Variants in PPP1R37 observed in about 807,000 individuals in gnomAD.
PPP1R37 encodes leucine rich repeat containing 68.
Under a neutral mutation model 61.0 loss-of-function variants are expected in PPP1R37, and 21 were observed. The observed-to-expected ratio is 0.34, with a 90% CI of 0.24 to 0.50. The LOEUF (loss-of-function observed/expected upper bound fraction) is 0.50. PPP1R37 is among the 20% of genes least tolerant of loss of function. The probability of loss-of-function intolerance (pLI) is 0.98; values close to 1 mark genes in which losing one functional copy is unlikely to be tolerated. For synonymous variants in PPP1R37, 443 were observed against 433.5 expected, an observed-to-expected ratio of 1.02 and a Z score of -0.27; for missense variants, 910 against 952.7, an observed-to-expected ratio of 0.96 and a Z score of 0.59.
At chr19:45,131,209 A>G (rs984235996) in intron 1 of PPP1R37, among the ~76,000 whole-genome samples, 2 of 152,240 alleles carry the variant, frequency 1.3e-5, no homozygotes, top group East Asian at 3.9e-4. Context: ...TTTGCCCTTC[A>G]TCCTCTCCCT....
At chr19:45,094,626 C>G (rs567004412) in intron 1 of PPP1R37, among the ~76,000 whole-genome samples, 6 of 152,064 alleles carry the variant, frequency 3.9e-5, no homozygotes, top group African/African-American at 1.4e-4. Context: ...ACTCAAGAGG[C>G]TGAGGCAGGG....
chr19:45,102,840 C>A (rs1189241891), intron 1 of PPP1R37, among the ~76,000 whole-genome samples: 2 of 152,320 alleles, frequency 1.3e-5, no homozygotes, highest in Admixed American at 1.3e-4. Context: ...TGATGCCGCT[C>A]CTGTTACATA....
At chr19:45,140,833 C>T (rs1968601740) in intron 4 of PPP1R37, among the ~76,000 whole-genome samples, 1 of 152,144 alleles carries the variant, frequency 6.6e-6, no homozygotes, top group African/African-American at 2.4e-5. Context: ...GCAAGGAGAG[C>T]CTTAGGGAGC....
rs1233015656 is a variant in PPP1R37, at chr19:45,130,485, T to G, written c.203-8029T>G. Among the ~76,000 whole-genome samples, 3 of 152,050 alleles carry G rather than the reference T, an allele frequency of 2.0e-5. No homozygotes were observed. The highest frequency in any genetic ancestry group is 2.9e-5 in the Non-Finnish European group (2 of 67,990). ...TCACACTTAAGCCTGCCCCAGTGGT[T>G]GCTGCCTGCCACGGGGTTTGCACAG... On this transcript the variant is annotated intron_variant, in intron 1 of 12. Coordinates refer to ENST00000221462, the MANE Select transcript of PPP1R37 (RefSeq NM_019121.2). The surrounding 1 kb of genome is among the most constrained non-coding windows in gnomAD (Gnocchi z 4.4).
intron 1 of PPP1R37, among the ~76,000 whole-genome samples, chr19:45,114,712 C>T (rs1260725094): frequency 2.0e-5 from 3 of 151,844 alleles, no homozygotes; most frequent in Non-Finnish European, 2.9e-5. Context: ...TTTGGGAGGC[C>T]GAGGCAGGAG....
chr19:45,105,548 A>AGAAT (rs1968119335), intron 1 of PPP1R37, among the ~76,000 whole-genome samples: 1 of 152,142 alleles, frequency 6.6e-6, no homozygotes, highest in African/African-American at 2.4e-5. Context: ...CCTTTGTGGC[A>AGAAT]GGTGACCTAA....
chr19:45,141,692 T>TA (rs1280472198), intron 5 of PPP1R37, among the ~76,000 whole-genome samples: 1 of 152,182 alleles, frequency 6.6e-6, no homozygotes, highest in Non-Finnish European at 1.5e-5. Context: ...ATGTCATCCT[T>TA]CTGTAATGTC....
intron 1 of PPP1R37, among the ~76,000 whole-genome samples, chr19:45,107,960 G>A (rs1001139394): frequency 3.9e-5 from 6 of 152,160 alleles, no homozygotes; most frequent in African/African-American, 1.4e-4. Context: ...GTTTTCAGTT[G>A]CATAGATAAT....
At chr19:45,139,804 G>A (rs1361604582) in intron 2 of PPP1R37, among the ~76,000 whole-genome samples, 9 of 152,234 alleles carry the variant, frequency 5.9e-5, no homozygotes, top group East Asian at 5.8e-4. Context: ...TCTGCGGGAC[G>A]GTGGGTTCTG....
intron 1 of PPP1R37, among the ~76,000 whole-genome samples, chr19:45,110,495 C>T (rs1379459657): frequency 6.6e-6 from 1 of 152,106 alleles, no homozygotes; most frequent in Non-Finnish European, 1.5e-5. Flanking sequence ...ACTATTCCTC[C>T]AAATCTGAAT....
chr19:45,145,952 A>G lies in PPP1R37; in HGVS notation c.1896A>G (p.Pro632=), dbSNP rs1332223636. 3 of 1,534,040 alleles carry G rather than the reference A, an allele frequency of 2.0e-6. No homozygotes were observed. Among genetic ancestry groups the G allele is most frequent in the South Asian group, 1.2e-5 (1 of 83,986 alleles). ...PPPEPPRSGP[P]LPNGLKPEFA... is the part of the protein sequence containing the mutation. ...CGGAGCCGCCTCGGTCAGGGCCACC[A>G]CTGCCCAACGGCCTGAAGCCCGAGT... The change falls in exon 11 of 13, where the codon CCA becomes CCG. Residue 632 remains proline (P), a synonymous_variant. Transcript: ENST00000221462.
rs1968704140 is a variant in PPP1R37 at position 45,146,553 on chromosome 19, C to A, written c.*9-18C>A. 2.7e-6 allele frequency: 3 copies of A among 1,095,642 alleles called. No homozygotes were observed. Among genetic ancestry groups the A allele is most frequent in the Non-Finnish European group, 4.0e-6 (3 of 754,584 alleles). The allele number at this position is 1,095,642 out of a possible 1,614,324, so 67.9% of individuals were successfully genotyped here. On this transcript the variant is annotated intron_variant, in intron 12 of 12. Coordinates refer to ENST00000221462, the MANE Select transcript of PPP1R37 (RefSeq NM_019121.2). ...CCTCTGGCTCTGACAGTCTCTCCCC[C>A]AATCTCTCCTCCCCAAGTTCCCTTT...
chr19:45,130,373 C>T lies in PPP1R37; in HGVS notation c.203-8141C>T, dbSNP rs1386239118. Among the ~76,000 whole-genome samples the T allele has an allele frequency of 6.6e-6, 1 of 152,200 alleles. No homozygotes were observed. The highest frequency in any genetic ancestry group is 1.5e-5 in the Non-Finnish European group (1 of 68,022). ...GTCTCCTGCAGAATGAGAGCGAAGT[C>T]CTCACCAGGGTCCACGGGGTCACCG... On this transcript the variant is annotated intron_variant, in intron 1 of 12. Transcript: ENST00000221462. The surrounding 1 kb of genome is among the most constrained non-coding windows in gnomAD (Gnocchi z 4.4).
chr19:45,125,023 A>C (rs1049742554), intron 1 of PPP1R37, among the ~76,000 whole-genome samples: 1 of 152,118 alleles, frequency 6.6e-6, no homozygotes. Flanking sequence ...GAATTCTCCT[A>C]AATTCGAAGC....
chr19:45,136,716 G>A (rs1327786649), intron 1 of PPP1R37: 2 of 152,528 alleles, frequency 1.3e-5, no homozygotes, highest in Admixed American at 6.5e-5. Context: ...GGAGGCTGGC[G>A]GCTGGCCTCT....
intron 1 of PPP1R37, among the ~76,000 whole-genome samples, chr19:45,105,402 G>A (rs1413280634): frequency 6.6e-6 from 1 of 152,104 alleles, no homozygotes; most frequent in Admixed American, 6.5e-5. Context: ...GGTGCCCGGG[G>A]TCCTTTCCCA....
At chr19:45,116,467 G>A (rs981917643) in intron 1 of PPP1R37, among the ~76,000 whole-genome samples, 3 of 152,212 alleles carry the variant, frequency 2.0e-5, no homozygotes, top group East Asian at 1.9e-4. Flanking sequence ...CCTCCCTGCC[G>A]GGAAGGGCAG....
intron 1 of PPP1R37, among the ~76,000 whole-genome samples, chr19:45,124,211 G>A (rs1017367756): frequency 6.6e-6 from 1 of 152,144 alleles, no homozygotes; most frequent in African/African-American, 2.4e-5. Context: ...GATCAGGGAG[G>A]GCTTCCTGGA....
At chr19:45,135,930 G>C (rs927298509) in intron 1 of PPP1R37, 2 of 151,942 alleles carry the variant, frequency 1.3e-5, no homozygotes, top group Non-Finnish European at 1.5e-5. Flanking sequence ...CTACAGGAGC[G>C]TGCCACCACA....
Sources: allele counts gnomAD v4.1 joint callset (sites outside exome capture counted in the v4.1 genomes callset), GRCh38; gene constraint gnomAD v4.1.1; non-coding constraint Gnocchi (gnomAD v3.1); transcripts MANE v1.5; gene names NCBI Gene and HGNC (gene_info 2026-07-23, HGNC 2026-07-21).